Variants in NEBL observed in about 807,000 individuals in gnomAD.
NEBL encodes the protein nebulette.
In NEBL, 122 loss-of-function variants were observed where a neutral mutation model predicts 140.2. The ratio of observed to expected loss-of-function variants is 0.87; its 90% CI spans 0.75 to 1.01. The LOEUF is 1.01. Among genes scored for constraint, NEBL ranks in the 50% least tolerant of loss-of-function variants. NEBL has a pLI of 0.00. For synonymous variants in NEBL, 436 were observed against 398.9 expected (o/e 1.09, Z -1.11); for missense variants, 1,365 against 1,231.3 (o/e 1.11, Z -1.62).
intron 4 of NEBL, among the ~76,000 whole-genome samples, chr10:20,923,037 A>C (rs1451874099): frequency 2.6e-5 from 4 of 152,022 alleles, no homozygotes; most frequent in Non-Finnish European, 5.9e-5. Flanking sequence ...ACAGAAATAC[A>C]ATCTCTCTCT....
At chr10:20,962,573 G>A (rs1836104174) in intron 3 of NEBL, among the ~76,000 whole-genome samples, 1 of 152,170 alleles carries the variant, frequency 6.6e-6, no homozygotes, top group Admixed American at 6.5e-5. Context: ...AACAGCTAAT[G>A]CTTCATCTTA....
intron 3 of NEBL, among the ~76,000 whole-genome samples, chr10:21,241,550 C>G (rs962895751): frequency 6.6e-6 from 1 of 152,148 alleles, no homozygotes; most frequent in Non-Finnish European, 1.5e-5. Flanking sequence ...GAAAAATGTT[C>G]TTAGTGTATA....
intron 2 of NEBL, among the ~76,000 whole-genome samples, chr10:21,107,256 G>T (rs987051155): frequency 1.3e-5 from 2 of 152,154 alleles, no homozygotes; most frequent in African/African-American, 4.8e-5. Flanking sequence ...TTCTTGTCTT[G>T]TGACGGTTTT....
At chr10:21,090,408 A>C (rs1836854941) in intron 2 of NEBL, among the ~76,000 whole-genome samples, 2 of 152,186 alleles carry the variant, frequency 1.3e-5, no homozygotes, top group African/African-American at 4.8e-5. Flanking sequence ...TTTACACAGC[A>C]TTTACATTGT....
intron 14 of NEBL, among the ~76,000 whole-genome samples, chr10:20,833,007 C>G (rs1035564511): frequency 6.6e-6 from 1 of 152,166 alleles, no homozygotes; most frequent in Non-Finnish European, 1.5e-5. Context: ...AACTGAGGCA[C>G]TGATAACAGA....
chr10:20,959,779 G>GT lies in NEBL; in HGVS notation c.357+1892dup, dbSNP rs928175963. On this transcript the variant is annotated intron_variant, in intron 4 of 6. Coordinates refer to the NEBL transcript ENST00000417816. ...TGCTAACATTAAGACATCGCAAAAA[G>GT]TTTTTTTTTTAAAAAAAGATGTTGT... Among the ~76,000 whole-genome samples the GT allele has an allele frequency of 3.6e-3, 542 of 148,660 alleles. 4 individuals are homozygous for GT. The highest frequency in any genetic ancestry group is 5.2e-3 in the Admixed American group (77 of 14,814).
At chr10:21,106,855 A>G (rs1837741764) in intron 2 of NEBL, among the ~76,000 whole-genome samples, 1 of 151,968 alleles carries the variant, frequency 6.6e-6, no homozygotes, top group Non-Finnish European at 1.5e-5. Flanking sequence ...GTCCTCTTTT[A>G]TTTTGTTTAG....
rs113149472 is a variant in NEBL at position 21,005,505 on chromosome 10, TG to T, written c.249+14611del. On this transcript the variant is annotated intron_variant, in intron 3 of 6. Transcript: ENST00000417816. ...ATCCCAGAAGTTTGCAAGGTCAAGATGGGGGGATCGCTTGAGCCCAAGAGTT... is the reference window on the plus strand; with the variant it reads ...ATCCCAGAAGTTTGCAAGGTCAAGATGGGGGATCGCTTGAGCCCAAGAGTT... 2.0e-5 allele frequency among the ~76,000 whole-genome samples: 3 copies of T among 152,022 alleles called. No homozygotes were observed. In the South Asian group the frequency reaches 6.2e-4, roughly 32 times the overall value.
chr10:20,855,785 G>A (rs866209112), intron 9 of NEBL, among the ~76,000 whole-genome samples: 51 of 152,108 alleles, frequency 3.4e-4, no homozygotes, highest in African/African-American at 1.0e-3. Context: ...TCACTCTTTA[G>A]AGTTTGGGTT....
At position 20,871,741 on chromosome 10, in the gene NEBL, T is replaced by A. The variant is rs376070789; in HGVS notation, c.481-1900A>T. ...TGTTAACAAGTCATTTCAGGTAGGT[T>A]TTATGCACACAGGTAGTAAAAGGAA... On this transcript the variant is annotated intron_variant, in intron 5 of 27. Coordinates refer to ENST00000377122, the MANE Select transcript of NEBL (RefSeq NM_006393.3). 2.6e-5 allele frequency among the ~76,000 whole-genome samples: 4 copies of A among 152,182 alleles called. No individual in the cohort carries two copies. In the East Asian group the frequency reaches 7.7e-4, roughly 29 times the overall value.
At chr10:20,912,364 A>G (rs1028706938) in intron 4 of NEBL, among the ~76,000 whole-genome samples, 5 of 152,118 alleles carry the variant, frequency 3.3e-5, no homozygotes, top group African/African-American at 7.2e-5. Context: ...AAGTGGGAGG[A>G]TCACTTGAGC....
chr10:21,095,636 G>A (rs1837151660), intron 2 of NEBL, among the ~76,000 whole-genome samples: 1 of 152,126 alleles, frequency 6.6e-6, no homozygotes, highest in Non-Finnish European at 1.5e-5. Context: ...AATCTTGAAG[G>A]TTTTTGAAAT....
At chr10:20,921,737 A>G (rs1454739335) in intron 4 of NEBL, among the ~76,000 whole-genome samples, 3 of 152,024 alleles carry the variant, frequency 2.0e-5, no homozygotes, top group Non-Finnish European at 4.4e-5. Context: ...CACACACAAC[A>G]CATGCACACA....
chr10:20,982,591 T>C (rs1176886046), intron 3 of NEBL, among the ~76,000 whole-genome samples: 1 of 152,216 alleles, frequency 6.6e-6, no homozygotes, highest in African/African-American at 2.4e-5. Flanking sequence ...GTTGAAAAGA[T>C]GTTTTCTGGA....
chr10:21,226,588 C>A (rs1709026631), intron 3 of NEBL, among the ~76,000 whole-genome samples: 1 of 152,192 alleles, frequency 6.6e-6, no homozygotes, highest in South Asian at 2.1e-4. Flanking sequence ...CTGGCTAGGG[C>A]TCAATGCTCC....
chr10:21,110,022 T>C (rs760481372), intron 2 of NEBL, among the ~76,000 whole-genome samples: 17 of 152,150 alleles, frequency 1.1e-4, no homozygotes, highest in Admixed American at 7.9e-4. Context: ...GCTTTGAGCT[T>C]AGTTATATCT....
intron 3 of NEBL, among the ~76,000 whole-genome samples, chr10:21,219,308 G>C (rs984448927): frequency 6.6e-6 from 1 of 152,226 alleles, no homozygotes; most frequent in Non-Finnish European, 1.5e-5. Flanking sequence ...AGTCAGGACT[G>C]ACTTAAAGCC....
intron 3 of NEBL, among the ~76,000 whole-genome samples, chr10:21,004,955 T>G (rs949700359): frequency 7.9e-5 from 12 of 152,164 alleles, no homozygotes. Flanking sequence ...TTTAGGCATT[T>G]CTATGGAGAA....
chr10:21,281,600 C>G (rs1437794300), intron 1 of NEBL, among the ~76,000 whole-genome samples: 1 of 152,020 alleles, frequency 6.6e-6, no homozygotes, highest in Admixed American at 6.6e-5. Flanking sequence ...TTCATCCTCC[C>G]CACCATCCAC....
Sources: allele counts gnomAD v4.1 joint callset (sites outside exome capture counted in the v4.1 genomes callset), GRCh38; gene constraint gnomAD v4.1.1; transcripts MANE v1.5; gene names NCBI Gene and HGNC (gene_info 2026-07-23, HGNC 2026-07-21).